Variants in MDGA2 observed in about 807,000 individuals in gnomAD.
MDGA2 encodes the protein MAM domain-containing glycosylphosphatidylinositol anchor protein 2.
MDGA2 carries 40 observed loss-of-function variants against 117.8 expected under a neutral mutation model. The observed-to-expected ratio is 0.34, with a 90% CI of 0.26 to 0.44. MDGA2 has a LOEUF of 0.44. Ranked by LOEUF, MDGA2 falls within the 20% of genes least tolerant of loss-of-function variation. MDGA2 has a pLI of 1.00. For missense variants in MDGA2, 1,123 were observed against 1,250.6 expected, an observed-to-expected ratio of 0.90 and a Z score of 1.54; for synonymous variants, 452 against 439.0, an observed-to-expected ratio of 1.03 and a Z score of -0.37.
intron 1 of MDGA2, among the ~76,000 whole-genome samples, chr14:47,574,093 T>C (rs1896070255): frequency 6.6e-6 from 1 of 152,162 alleles, no homozygotes; most frequent in Non-Finnish European, 1.5e-5. Context: ...CAAGTTCTTA[T>C]GGAGAAGAAA....
At chr14:47,492,660 T>A (rs1223028311) in intron 1 of MDGA2, among the ~76,000 whole-genome samples, 4 of 152,186 alleles carry the variant, frequency 2.6e-5, no homozygotes, top group African/African-American at 9.6e-5. Context: ...TCAGATCACA[T>A]TATCTGTGCT....
intron 10 of MDGA2, among the ~76,000 whole-genome samples, chr14:46,904,699 C>T (rs116371018): frequency 0.013 from 2,038 of 152,208 alleles, 42 homozygotes; most frequent in African/African-American, 0.047. Context: ...CTAATGTGTT[C>T]CCGTGTTCAT....
intron 9 of MDGA2, among the ~76,000 whole-genome samples, chr14:46,936,650 T>C (rs1884791979): frequency 6.6e-6 from 1 of 151,776 alleles, no homozygotes; most frequent in Non-Finnish European, 1.5e-5. Context: ...AAATATCACA[T>C]CAACAGGATA....
chr14:47,110,875 CA>C (rs1404675464), intron 5 of MDGA2, among the ~76,000 whole-genome samples: 2 of 152,106 alleles, frequency 1.3e-5, no homozygotes, highest in East Asian at 3.9e-4. Flanking sequence ...AAAATCACAT[CA>C]GGGGATTAAT....
rs144008399 is a variant in MDGA2, at chr14:46,912,440, T to C, written c.2238+7572A>G. On this transcript the variant is annotated intron_variant, in intron 10 of 16. Transcript: ENST00000399232. ...TGCTTTTGACTTGTAAATTAACATATTGAAGAAAAAGTGTTCACCCAAATT... is the reference window on the plus strand; with the variant it reads ...TGCTTTTGACTTGTAAATTAACATACTGAAGAAAAAGTGTTCACCCAAATT... 4.6e-3 allele frequency among the ~76,000 whole-genome samples: 693 copies of C among 152,262 alleles called. 6 individuals carry two copies. Among genetic ancestry groups the C allele is most frequent in the African/African-American group, 0.015 (631 of 41,552 alleles).
At chr14:47,502,417 A>G (rs1894417556) in intron 1 of MDGA2, among the ~76,000 whole-genome samples, 1 of 152,158 alleles carries the variant, frequency 6.6e-6, no homozygotes, top group Non-Finnish European at 1.5e-5. Flanking sequence ...TCACAGAACT[A>G]AATTCTGTCT....
intron 1 of MDGA2, among the ~76,000 whole-genome samples, chr14:47,363,961 G>C (rs1186660445): frequency 6.6e-6 from 1 of 152,094 alleles, no homozygotes; most frequent in East Asian, 1.9e-4. Context: ...ATACCTTAAA[G>C]TGTTCATAAA....
At chr14:47,546,873 G>A (rs1331879736) in intron 1 of MDGA2, among the ~76,000 whole-genome samples, 3 of 152,152 alleles carry the variant, frequency 2.0e-5, no homozygotes, top group Admixed American at 1.3e-4. Flanking sequence ...TCACTTTAGA[G>A]CCTGATGCCT....
At chr14:47,139,738 A>G (rs1882622302) in intron 4 of MDGA2, among the ~76,000 whole-genome samples, 1 of 149,818 alleles carries the variant, frequency 6.7e-6, no homozygotes, top group African/African-American at 2.4e-5. Context: ...TAAGAAGTAT[A>G]TATGTATATG....
At chr14:47,278,338 G>C (rs1395094137) in intron 2 of MDGA2, among the ~76,000 whole-genome samples, 1 of 151,838 alleles carries the variant, frequency 6.6e-6, no homozygotes, top group Non-Finnish European at 1.5e-5. Context: ...GGTCCACAAC[G>C]AGATTCTGAT....
chr14:46,960,799 T>G (rs563936074), intron 8 of MDGA2, among the ~76,000 whole-genome samples: 1 of 143,736 alleles, frequency 7.0e-6, no homozygotes, highest in Admixed American at 7.2e-5. Context: ...TATAGAATTA[T>G]ACATATGTAT....
intron 2 of MDGA2, among the ~76,000 whole-genome samples, chr14:47,272,064 T>C (rs1222388267): frequency 6.6e-6 from 1 of 152,172 alleles, no homozygotes; most frequent in Non-Finnish European, 1.5e-5. Flanking sequence ...ATGAAAATGC[T>C]TAGCATTTTT....
chr14:47,507,077 G>A (rs948289185), intron 1 of MDGA2, among the ~76,000 whole-genome samples: 2 of 150,870 alleles, frequency 1.3e-5, no homozygotes, highest in Non-Finnish European at 2.9e-5. Flanking sequence ...AGAAGCACTT[G>A]TTGGCAGTTG....
At chr14:47,094,652 T>C (rs1053449256) in intron 6 of MDGA2, among the ~76,000 whole-genome samples, 1 of 152,052 alleles carries the variant, frequency 6.6e-6, no homozygotes, top group African/African-American at 2.4e-5. Flanking sequence ...TAAGGATAGA[T>C]GTTGCAGTAC....
intron 3 of MDGA2, among the ~76,000 whole-genome samples, chr14:47,152,241 C>T (rs1425099937): frequency 6.6e-6 from 1 of 152,140 alleles, no homozygotes; most frequent in Non-Finnish European, 1.5e-5. Flanking sequence ...ACAATCTGAA[C>T]TTTTCCATGG....
intron 6 of MDGA2, among the ~76,000 whole-genome samples, chr14:47,086,121 G>GTT (rs71112481): frequency 0.33 from 45,880 of 139,092 alleles, 8,018 homozygotes; most frequent in East Asian, 0.53. Flanking sequence ...TTTGTTTTTT[G>GTT]TTTTTTTTTT....
Position 47,540,518 on chromosome 14 carries a change from A to G in MDGA2, c.280+133999T>C, listed in dbSNP as rs951259881. ...TGTGTGTGTTTGTATATGTATATGTATATGTGTGTGTGTGTGTGTGTGTAT... is the reference window on the plus strand; with the variant it reads ...TGTGTGTGTTTGTATATGTATATGTGTATGTGTGTGTGTGTGTGTGTGTAT... On this transcript the variant is annotated intron_variant, in intron 1 of 16. Coordinates refer to ENST00000399232, the MANE Select transcript of MDGA2 (RefSeq NM_001113498.3). Among the ~76,000 whole-genome samples the G allele has an allele frequency of 8.6e-3, 528 of 61,090 alleles. 4 individuals are homozygous for G. The highest frequency in any genetic ancestry group is 0.025 in the African/African-American group (482 of 19,498). The allele number at this position is 61,090 out of a possible 152,430, so 40.1% of individuals were successfully genotyped here.
At chr14:47,483,374 A>G (rs1326241185) in intron 1 of MDGA2, among the ~76,000 whole-genome samples, 1 of 152,136 alleles carries the variant, frequency 6.6e-6, no homozygotes, top group Non-Finnish European at 1.5e-5. Context: ...TGCTTCATTC[A>G]AAGAGACACA....
intron 3 of MDGA2, among the ~76,000 whole-genome samples, chr14:47,202,153 T>C (rs977481706): frequency 6.6e-6 from 1 of 152,236 alleles, no homozygotes; most frequent in African/African-American, 2.4e-5. Context: ...AACCTTTCTA[T>C]AGTTGTAAAA....
Sources: gnomAD v4.1 joint callset for allele counts (sites outside exome capture counted in the v4.1 genomes callset) on GRCh38, gnomAD v4.1.1 for gene constraint, MANE v1.5 for transcripts, NCBI Gene and HGNC (gene_info 2026-07-23, HGNC 2026-07-21) for gene names.